The following SNX19 variants were observed in gnomAD, a reference collection of about 807,000 sequenced individuals.
The protein encoded by SNX19 is sorting nexin-19.
A neutral mutation model predicts 85.2 loss-of-function variants in SNX19; 60 were observed. The observed-to-expected ratio is 0.70, with a 90% CI of 0.57 to 0.87. The LOEUF (loss-of-function observed/expected upper bound fraction) is 0.87. SNX19 is among the 40% of genes least tolerant of loss of function. The probability of loss-of-function intolerance (pLI) is 0.00; values close to 1 mark genes in which losing one functional copy is unlikely to be tolerated. For synonymous variants in SNX19, 520 were observed against 470.0 expected (o/e 1.11, Z -1.38); for missense variants, 1,201 against 1,217.8 (o/e 0.99, Z 0.21).
At chr11:130,902,493 T>G (rs1945326961) in intron 8 of SNX19, among the ~76,000 whole-genome samples, 1 of 152,232 alleles carries the variant, frequency 6.6e-6, no homozygotes, top group African/African-American at 2.4e-5. Flanking sequence ...AGCATTTGGC[T>G]TCCTCTTACT....
In SNX19 at chr11:130,868,044, C is replaced by G. The variant is rs1942847370; in HGVS notation, c.*10378G>C. ...AATGATTTTTTAAAAAATCTCTTCT[C>G]TGAAATGGCTTCTCTGCCTTCATAT... On this transcript the variant is annotated 3_prime_UTR_variant, in exon 11 of 11. Transcript: ENST00000265909. The G allele has an allele frequency of 6.6e-6, 1 of 152,200 alleles. No homozygotes were observed. Among genetic ancestry groups the G allele is most frequent in the Non-Finnish European group, 1.5e-5 (1 of 68,040 alleles). 9.4% of individuals were successfully genotyped at this position (152,200 alleles called of 1,614,324 possible).
rs1461896043 is a variant in SNX19, at chr11:130,871,525, T to C, written c.*6897A>G. On this transcript the variant is annotated 3_prime_UTR_variant, in exon 11 of 11. Coordinates refer to ENST00000265909, the MANE Select transcript of SNX19 (RefSeq NM_014758.3). Reference sequence around the variant, plus strand: ...AAGCAGTATTTCATATCAACGTTCATGGTTAATCTTTTTGATAGTTACAGG... The same window carrying C: ...AAGCAGTATTTCATATCAACGTTCACGGTTAATCTTTTTGATAGTTACAGG... 1.3e-5 allele frequency among the ~76,000 whole-genome samples: 2 copies of C among 152,210 alleles called. No homozygotes were observed. Among genetic ancestry groups the C allele is most frequent in the African/African-American group, 2.4e-5 (1 of 41,450 alleles).
rs1185281373 is a variant in SNX19 at position 130,873,134 on chromosome 11, C to T, written c.*5288G>A. On this transcript the variant is annotated 3_prime_UTR_variant, in exon 11 of 11. Transcript: ENST00000265909. ...CCCGATCCCACGTGAATCACACACACATTAAAATTTGGTAAGCAGTATTCT... is the reference window on the plus strand; with the variant it reads ...CCCGATCCCACGTGAATCACACACATATTAAAATTTGGTAAGCAGTATTCT... Among the ~76,000 whole-genome samples, 2 of 152,226 alleles carry T rather than the reference C, an allele frequency of 1.3e-5. No individual in the cohort carries two copies. The highest frequency in any genetic ancestry group is 6.5e-5 in the Admixed American group (1 of 15,284).
At chr11:130,914,039 A>C (rs1317679282) in intron 1 of SNX19, among the ~76,000 whole-genome samples, 2 of 152,210 alleles carry the variant, frequency 1.3e-5, no homozygotes, top group East Asian at 3.8e-4. Flanking sequence ...CTGAAAATAT[A>C]ACCCTCAGCA....
At position 130,914,565 on chromosome 11, in the gene SNX19, C is replaced by T; in HGVS notation, c.1375G>A (p.Gly459Arg). The T allele has an allele frequency of 6.2e-7, 1 of 1,613,980 alleles. No homozygotes were observed. Among genetic ancestry groups the T allele is most frequent in the Non-Finnish European group, 8.5e-7 (1 of 1,179,860 alleles). The change falls in exon 1 of 11, where the codon GGA becomes AGA. Residue 459 changes from glycine to arginine, a missense_variant. Coordinates refer to ENST00000265909, the MANE Select transcript of SNX19 (RefSeq NM_014758.3). Reference protein sequence around the residue: ...IDTADKEIEQGDVTASVTALL... With the variant: ...IDTADKEIEQRDVTASVTALL... Reference sequence around the variant, plus strand: ...GCTGTAACAGAGGCGGTAACATCTCCTTGTTCTATCTCCTTGTCTGCTGTG... The same window carrying T: ...GCTGTAACAGAGGCGGTAACATCTCTTTGTTCTATCTCCTTGTCTGCTGTG...
At chr11:130,894,251 A>G (rs1480698825) in intron 8 of SNX19, among the ~76,000 whole-genome samples, 1 of 152,020 alleles carries the variant, frequency 6.6e-6, no homozygotes, top group Non-Finnish European at 1.5e-5. Context: ...ATCACCACAG[A>G]CTCTGTTCTG....
intron 8 of SNX19, among the ~76,000 whole-genome samples, chr11:130,899,524 G>C (rs949620268): frequency 5.9e-5 from 9 of 152,218 alleles, no homozygotes; most frequent in Non-Finnish European, 1.0e-4. Flanking sequence ...GCCTCAAACA[G>C]AGAAGTATGA....
In SNX19 at chr11:130,871,033, T is replaced by C. The variant is rs907107470; in HGVS notation, c.*7389A>G. ...AAAATGGAACTTGAATTGGTCCTTATGGGCAGAGGTAGCCTACTTGCCCAG... is the reference window on the plus strand; with the variant it reads ...AAAATGGAACTTGAATTGGTCCTTACGGGCAGAGGTAGCCTACTTGCCCAG... On this transcript the variant is annotated 3_prime_UTR_variant, in exon 11 of 11. Transcript: ENST00000265909. Among the ~76,000 whole-genome samples, 1 of 152,116 alleles carries C rather than the reference T, an allele frequency of 6.6e-6. No homozygotes were observed.
In SNX19 at chr11:130,915,463, C is replaced by T; in HGVS notation, c.477G>A (p.Leu159=). Residue 159 remains leucine (L), a synonymous_variant, in exon 1 of 11, where the codon CTG becomes CTA. Coordinates refer to ENST00000265909, the MANE Select transcript of SNX19 (RefSeq NM_014758.3). ...MDSHAVAQSV[L]TLCGCHLQSY... is the part of the protein sequence containing the mutation. The stretch of plus-strand genomic sequence containing the variant: ...TCTGCAGGTGACAACCGCAGAGAGT[C>T]AGAACACTCTGGGCAACAGCATGAC... 1 of 1,614,066 alleles carries T rather than the reference C, an allele frequency of 6.2e-7. No homozygotes were observed. Among genetic ancestry groups the T allele is most frequent in the Non-Finnish European group, 8.5e-7 (1 of 1,180,014 alleles).
At chr11:130,898,195 T>C (rs1036893725) in intron 8 of SNX19, among the ~76,000 whole-genome samples, 2 of 152,076 alleles carry the variant, frequency 1.3e-5, no homozygotes, top group African/African-American at 2.4e-5. Flanking sequence ...TGCTTATAAT[T>C]TGACAGAAGT....
At chr11:130,881,287 T>C (rs1347356992) in intron 8 of SNX19, 4 of 152,444 alleles carry the variant, frequency 2.6e-5, no homozygotes, top group Admixed American at 2.6e-4. Context: ...ACCAAGACAA[T>C]TCAACAGCCT....
intron 8 of SNX19, among the ~76,000 whole-genome samples, chr11:130,900,228 G>A (rs575063525): frequency 6.6e-6 from 1 of 152,340 alleles, no homozygotes; most frequent in Non-Finnish European, 1.5e-5. Context: ...AGGATGGCTT[G>A]AGCCCAGGAG....
intron 8 of SNX19, among the ~76,000 whole-genome samples, chr11:130,890,318 C>T (rs991496797): frequency 6.6e-6 from 1 of 152,152 alleles, no homozygotes; most frequent in African/African-American, 2.4e-5. Context: ...CTGAATGCCT[C>T]ATCACCTTTT....
Position 130,875,463 on chromosome 11 carries a change from C to A in SNX19, c.*2959G>T, listed in dbSNP as rs1343336908. 1 of 152,066 alleles carries A rather than the reference C, an allele frequency of 6.6e-6. No homozygotes were observed. 9.4% of individuals were successfully genotyped at this position (152,066 alleles called of 1,614,324 possible). A position where few individuals can be genotyped will look rare whatever the true frequency, so the allele number is the denominator to read the frequency against. Reference sequence around the variant, plus strand: ...GTGCTGCTTCTAGTTAATAATGTACCGTCTCAAAATAAATAAATAATGTAC... The same window carrying A: ...GTGCTGCTTCTAGTTAATAATGTACAGTCTCAAAATAAATAAATAATGTAC... On this transcript the variant is annotated 3_prime_UTR_variant, in exon 11 of 11. Transcript: ENST00000265909.
At chr11:130,893,977 C>T in intron 8 of SNX19, 1 of 581,440 alleles carries the variant, frequency 1.7e-6, no homozygotes, top group Non-Finnish European at 3.1e-6. Context: ...TAAGCAATAA[C>T]ATATGGTTGC....
chr11:130,884,491 G>C (rs1463580775), intron 8 of SNX19, among the ~76,000 whole-genome samples: 1 of 152,082 alleles, frequency 6.6e-6, no homozygotes, highest in African/African-American at 2.4e-5. Flanking sequence ...GGACTTTGCT[G>C]GTACCATTTA....
At chr11:130,908,922 T>C (rs1313082976) in intron 4 of SNX19, among the ~76,000 whole-genome samples, 1 of 152,190 alleles carries the variant, frequency 6.6e-6, no homozygotes, top group Non-Finnish European at 1.5e-5. Context: ...CTCATTCTTG[T>C]GGTATTCCTC....
At position 130,877,173 on chromosome 11, in the gene SNX19, G is replaced by A. The variant is rs1159702685; in HGVS notation, c.*1249C>T. ...AGTGTGAAGCCAAAGGGCTCCCAGT[G>A]ACATCCTTGACATCTTTTTGCCAGC... On this transcript the variant is annotated 3_prime_UTR_variant, in exon 11 of 11. Coordinates refer to ENST00000265909, the MANE Select transcript of SNX19 (RefSeq NM_014758.3). 6.6e-6 allele frequency: 1 copy of A among 152,218 alleles called. No individual in the cohort carries two copies. Among genetic ancestry groups the A allele is most frequent in the Admixed American group, 6.5e-5 (1 of 15,288 alleles). 9.4% of individuals were successfully genotyped at this position (152,218 alleles called of 1,614,324 possible).
At chr11:130,911,806 C>A in intron 1 of SNX19, 35 bp from the exon 2 acceptor site, 1 of 1,602,766 alleles carries the variant, frequency 6.2e-7, no homozygotes, top group Non-Finnish European at 8.5e-7. Flanking sequence ...CTCAATCAGC[C>A]GGGTTTCAGC....
Sources: gnomAD v4.1 joint callset for allele counts (sites outside exome capture counted in the v4.1 genomes callset) on GRCh38, gnomAD v4.1.1 for gene constraint, MANE v1.5 for transcripts, NCBI Gene and HGNC (gene_info 2026-07-23, HGNC 2026-07-21) for gene names.